Variants in ZFHX3 observed in about 807,000 individuals in gnomAD.
The protein encoded by ZFHX3 is zinc finger homeobox 3.
In ZFHX3, 42 loss-of-function variants were observed where a neutral mutation model predicts 279.1. That is an observed-to-expected ratio of 0.15 (90% CI 0.12 to 0.19). ZFHX3 has a LOEUF of 0.19. Ranked by LOEUF, ZFHX3 falls within the 10% of genes least tolerant of loss-of-function variation. The pLI, the probability that ZFHX3 is intolerant of heterozygous loss-of-function variation, is 1.00. For missense variants in ZFHX3, 4,981 were observed against 4,754.0 expected (o/e 1.05, Z -1.40); for synonymous variants, 2,293 against 1,957.8 (o/e 1.17, Z -4.52).
upstream of ZFHX3, among the ~76,000 whole-genome samples, chr16:73,064,299 G>C (rs1965720203): frequency 1.3e-5 from 2 of 151,996 alleles, no homozygotes; most frequent in African/African-American, 4.8e-5. Context: ...TCTCACTCCA[G>C]CTACCAGGGT....
intron 1 of ZFHX3, among the ~76,000 whole-genome samples, chr16:73,683,083 A>G (rs1325362383): frequency 2.0e-5 from 3 of 152,234 alleles, no homozygotes; most frequent in Admixed American, 1.3e-4. Context: ...TATACATCAG[A>G]TATTTCCAAC....
At chr16:73,687,891 T>C (rs776566475) in intron 1 of ZFHX3, among the ~76,000 whole-genome samples, 48 of 150,932 alleles carry the variant, frequency 3.2e-4, no homozygotes, top group Non-Finnish European at 6.6e-4. Context: ...GCTATTAATA[T>C]TGACAGTCAC....
chr16:73,176,467 G>A (rs1967667181), intron 5 of ZFHX3, among the ~76,000 whole-genome samples: 1 of 152,178 alleles, frequency 6.6e-6, no homozygotes, highest in African/African-American at 2.4e-5. Flanking sequence ...TTGAAGCTGA[G>A]TAACATGAGC....
intron 3 of ZFHX3, among the ~76,000 whole-genome samples, chr16:73,439,676 C>A (rs114041962): frequency 0.011 from 1,661 of 151,892 alleles, 30 homozygotes; most frequent in African/African-American, 0.038. Context: ...GCTGTTAGTC[C>A]ACGTGGTCAT....
At chr16:73,682,958 G>A (rs1022021891) in intron 1 of ZFHX3, among the ~76,000 whole-genome samples, 1 of 21,824 alleles carries the variant, frequency 4.6e-5, no homozygotes, top group Non-Finnish European at 9.3e-5. Flanking sequence ...AAGAAAGAAA[G>A]AAAGAAAGAA....
intron 1 of ZFHX3, among the ~76,000 whole-genome samples, chr16:73,869,296 A>C (rs768013641): frequency 3.3e-5 from 5 of 152,208 alleles, no homozygotes; most frequent in Non-Finnish European, 7.3e-5. Context: ...ACCCAAATCA[A>C]CTTGAAGAGT....
intron 1 of ZFHX3, among the ~76,000 whole-genome samples, chr16:73,046,878 G>T (rs1371077682): frequency 2.2e-5 from 3 of 136,248 alleles, no homozygotes. Flanking sequence ...AGTCTTCAAG[G>T]ACTGTTAAAT....
At chr16:73,527,801 T>G (rs1258173454) in intron 2 of ZFHX3, among the ~76,000 whole-genome samples, 3 of 152,166 alleles carry the variant, frequency 2.0e-5, no homozygotes, top group African/African-American at 4.8e-5. Flanking sequence ...CAGTCACGTG[T>G]GTGAACTTGG....
intron 2 of ZFHX3, among the ~76,000 whole-genome samples, chr16:73,485,369 T>C (rs2018954219): frequency 6.6e-6 from 1 of 151,622 alleles, no homozygotes; most frequent in South Asian, 2.1e-4. Context: ...CATTCAGCTG[T>C]TTAGATACAG....
At chr16:72,822,490 C>T (rs1488826976) in intron 5 of ZFHX3, among the ~76,000 whole-genome samples, 1 of 152,092 alleles carries the variant, frequency 6.6e-6, no homozygotes, top group Non-Finnish European at 1.5e-5. Context: ...ATATGAGAAC[C>T]TAATGAACGT....
chr16:73,835,072 C>T (rs1961102827), intron 1 of ZFHX3, among the ~76,000 whole-genome samples: 1 of 152,210 alleles, frequency 6.6e-6, no homozygotes, highest in Middle Eastern at 3.4e-3. Flanking sequence ...AGCAAAGGTG[C>T]CACTCTATGT....
chr16:73,516,398 C>T (rs2019522580), intron 2 of ZFHX3, among the ~76,000 whole-genome samples: 1 of 152,068 alleles, frequency 6.6e-6, no homozygotes, highest in Non-Finnish European at 1.5e-5. Context: ...CTCACATATA[C>T]ACAAAAATAT....
In ZFHX3 at chr16:73,287,080, G is replaced by A. The variant is rs576549986; in HGVS notation, c.-1193-29944C>T. On this transcript the variant is annotated intron_variant, in intron 4 of 17. Coordinates refer to the ZFHX3 transcript ENST00000641206. The stretch of plus-strand genomic sequence containing the variant: ...TGTACGGGCCAGTGTGTGGCTGTGT[G>A]GGTGTGTGGGTAAGTGTGTGGCTGT... Among the ~76,000 whole-genome samples, 75 of 151,208 alleles carry A rather than the reference G, an allele frequency of 5.0e-4. 1 individual carries two copies. The highest frequency in any genetic ancestry group is 1.7e-3 in the African/African-American group (70 of 41,150).
At chr16:73,891,450 C>T (rs1458488888) in intron 1 of ZFHX3, among the ~76,000 whole-genome samples, 1 of 152,008 alleles carries the variant, frequency 6.6e-6, no homozygotes, top group African/African-American at 2.4e-5. Context: ...CCCCCACCCT[C>T]CTACCCTCCC....
intron 3 of ZFHX3, among the ~76,000 whole-genome samples, chr16:73,410,969 A>G (rs867183303): frequency 2.6e-5 from 4 of 152,168 alleles, no homozygotes; most frequent in Non-Finnish European, 4.4e-5. Context: ...GGCTATAAAT[A>G]TCCAGTTGTC....
chr16:73,694,705 G>A (rs28707367), intron 1 of ZFHX3, among the ~76,000 whole-genome samples: 6,439 of 152,264 alleles, frequency 0.042, 444 homozygotes, highest in African/African-American at 0.15. Flanking sequence ...ACAGTGGATA[G>A]CAAGAATGGC....
At chr16:73,135,556 T>C (rs1366891127) in intron 6 of ZFHX3, among the ~76,000 whole-genome samples, 1 of 152,228 alleles carries the variant, frequency 6.6e-6, no homozygotes, top group African/African-American at 2.4e-5. Flanking sequence ...CTCACTTCTC[T>C]GAGAGGTTGC....
chr16:73,786,452 A>G (rs1179736798), intron 1 of ZFHX3, among the ~76,000 whole-genome samples: 2 of 152,132 alleles, frequency 1.3e-5, no homozygotes, highest in Non-Finnish European at 2.9e-5. Flanking sequence ...CTCTGTGTTC[A>G]GGAAGGGACC....
intron 3 of ZFHX3, among the ~76,000 whole-genome samples, chr16:73,319,158 G>A (rs1390149730): frequency 2.0e-5 from 3 of 152,048 alleles, no homozygotes; most frequent in African/African-American, 4.8e-5. Context: ...TAATAGATGC[G>A]CCATGTGCAA....
Sources: allele counts gnomAD v4.1 joint callset (sites outside exome capture counted in the v4.1 genomes callset), GRCh38; gene constraint gnomAD v4.1.1; transcripts MANE v1.5; gene names NCBI Gene and HGNC (gene_info 2026-07-23, HGNC 2026-07-21).